The following OTOF variants were observed in gnomAD, a reference collection of about 807,000 sequenced individuals.
The protein encoded by OTOF is otoferlin, also known as fer-1-like family member 2.
Under a neutral mutation model 236.8 loss-of-function variants are expected in OTOF, and 218 were observed. The ratio of observed to expected loss-of-function variants is 0.92; its 90% CI spans 0.82 to 1.03. The LOEUF (loss-of-function observed/expected upper bound fraction) is 1.03, where lower values mean the gene tolerates loss of function less well. Ranked by LOEUF, OTOF falls within the 50% of genes least tolerant of loss-of-function variation. The pLI is 0.00. For missense variants in OTOF, 2,590 were observed against 2,694.4 expected (o/e 0.96, Z 0.86); for synonymous variants, 1,041 against 1,072.5 (o/e 0.97, Z 0.57).
chr2:26,500,408 G>A (rs1356420114), intron 8 of OTOF, among the ~76,000 whole-genome samples: 1 of 152,208 alleles, frequency 6.6e-6, no homozygotes, highest in African/African-American at 2.4e-5. Context: ...TCTTAGGCCA[G>A]TGACATGATA....
At chr2:26,543,480 C>T (rs976539464) in intron 1 of OTOF, among the ~76,000 whole-genome samples, 2 of 152,200 alleles carry the variant, frequency 1.3e-5, no homozygotes, top group African/African-American at 4.8e-5. Flanking sequence ...CACGAGGGGG[C>T]ATGGGATAGA....
intron 1 of OTOF, among the ~76,000 whole-genome samples, chr2:26,557,730 G>A (rs983883529): frequency 1.3e-5 from 2 of 151,500 alleles, no homozygotes; most frequent in South Asian, 4.2e-4. Flanking sequence ...CCTGACCACC[G>A]GTCACCAGCC....
Position 26,475,905 on chromosome 2 carries a change from G to A in OTOF, c.2991+9C>T. On this transcript the variant is annotated intron_variant, in intron 24 of 46. Transcript: ENST00000272371. ...AAGCCAGAGCCACTCCCTCCTCCCA[G>A]GCCCTCACCTCTGTGCACTGACTCT... The A allele has an allele frequency of 1.9e-6, 3 of 1,599,302 alleles. No homozygotes were observed. The highest frequency in any genetic ancestry group is 1.7e-6 in the Non-Finnish European group (2 of 1,172,990).
chr2:26,477,067 G>A lies in OTOF; in HGVS notation c.2524-24C>T. The A allele has an allele frequency of 6.6e-7, 1 of 1,522,910 alleles. No individual in the cohort carries two copies. 94.3% of individuals were successfully genotyped at this position (1,522,910 alleles called of 1,614,324 possible). On this transcript the variant is annotated intron_variant, in intron 21 of 46. Coordinates refer to ENST00000272371, the MANE Select transcript of OTOF (RefSeq NM_194248.3). The surrounding 1 kb of genome is among the most constrained non-coding windows in gnomAD (Gnocchi z 4.7). ...GGCTGGGGGTTGGGGGGTGGCCAGG[G>A]GCAGTGGGTAAGGGGGTCTAGCCTC...
At chr2:26,549,770 T>A (rs1287245544) in intron 1 of OTOF, among the ~76,000 whole-genome samples, 3 of 152,106 alleles carry the variant, frequency 2.0e-5, no homozygotes, top group Non-Finnish European at 4.4e-5. Flanking sequence ...TTCTTCCAGG[T>A]CCTCACTCAA....
chr2:26,511,791 C>A (rs1204558631), intron 5 of OTOF, among the ~76,000 whole-genome samples: 1 of 152,222 alleles, frequency 6.6e-6, no homozygotes, highest in Non-Finnish European at 1.5e-5. Flanking sequence ...ATCTGAGCAG[C>A]TTTGGGAGCT....
At chr2:26,491,570 G>A (rs1226843950) in intron 9 of OTOF, among the ~76,000 whole-genome samples, 1 of 152,220 alleles carries the variant, frequency 6.6e-6, no homozygotes, top group Non-Finnish European at 1.5e-5. Context: ...TGCAATGCCA[G>A]GTTCTTTGAG....
intron 16 of OTOF, 45 bp from the exon 17 acceptor site, chr2:26,479,698 A>G (rs1298308863): frequency 1.3e-6 from 2 of 1,586,906 alleles, no homozygotes; most frequent in South Asian, 1.1e-5. Flanking sequence ...ATTCCCCACC[A>G]GGCCCCTCCC....
chr2:26,476,937 T>C lies in OTOF; in HGVS notation c.2630A>G (p.Glu877Gly), dbSNP rs1033474954. 1.2e-6 allele frequency: 2 copies of C among 1,611,012 alleles called. No homozygotes were observed. Among genetic ancestry groups the C allele is most frequent in the Non-Finnish European group, 1.7e-6 (2 of 1,179,440 alleles). The change falls in exon 22 of 47, where the codon GAG becomes GGG. Residue 877 changes from glutamate to glycine, a missense_variant. Physicochemically the swap from Glu to Gly is moderately conservative, Grantham distance 98. Transcript: ENST00000272371. ...SKDLLFSIVE[E>G]ETGKDCAKVK... Reference sequence around the variant, plus strand: ...CTTGGCGCAGTCCTTGCCAGTCTCCTCCTCCACGATGGAGAAGAGCAGGTC... The same window carrying C: ...CTTGGCGCAGTCCTTGCCAGTCTCCCCCTCCACGATGGAGAAGAGCAGGTC...
At chr2:26,480,425 A>C (rs1665500875) in intron 15 of OTOF, 114 bp from the exon 16 acceptor site, 1 of 751,000 alleles carries the variant, frequency 1.3e-6, no homozygotes, top group South Asian at 1.4e-5. Flanking sequence ...GGGGCATCCC[A>C]CCCGGCTTTG....
rs1383135107 is a variant in OTOF, at chr2:26,460,000, T to C, written c.*17+8A>G. ...TTGGTCCAGAGGAAGAAGTAAGAAA[T>C]ATCAGACCCAGGAGGCCACTGGGCT... On this transcript the variant is annotated splice_region_variant and intron_variant, in intron 46 of 46. Transcript: ENST00000272371. 3 of 1,556,648 alleles carry C rather than the reference T, an allele frequency of 1.9e-6. No homozygotes were observed. Among genetic ancestry groups the C allele is most frequent in the Non-Finnish European group, 2.6e-6 (3 of 1,150,316 alleles).
At chr2:26,529,122 G>T (rs1399039352) in intron 2 of OTOF, among the ~76,000 whole-genome samples, 3 of 152,140 alleles carry the variant, frequency 2.0e-5, no homozygotes, top group Non-Finnish European at 2.9e-5. Context: ...TCCACATCCT[G>T]AGCCACAAGC....
At chr2:26,513,749 C>T (rs1666448918) in intron 5 of OTOF, among the ~76,000 whole-genome samples, 1 of 152,318 alleles carries the variant, frequency 6.6e-6, no homozygotes, top group Non-Finnish European at 1.5e-5. Context: ...GGAAGCCTGC[C>T]TGGGCTCCTA....
At position 26,466,795 on chromosome 2, in the gene OTOF, G is replaced by C. The variant is rs1453469487; in HGVS notation, c.4419C>G (p.Gly1473=). The C allele has an allele frequency of 1.2e-6, 2 of 1,614,254 alleles. No individual in the cohort carries two copies. The highest frequency in any genetic ancestry group is 8.5e-7 in the Non-Finnish European group (1 of 1,180,048). The change falls in exon 36 of 47, where the codon GGC becomes GGG. Residue 1473 remains glycine, a synonymous_variant. Transcript: ENST00000272371. ...GGAACATGCCGTAGGTGGAGTCGTAGCCGGCTTCCCGGGACACGTCCTCTG... is the reference window on the plus strand; with the variant it reads ...GGAACATGCCGTAGGTGGAGTCGTACCCGGCTTCCCGGGACACGTCCTCTG... The part of the protein sequence containing the change: ...PLPEDVSREA[G]YDSTYGMFQG...
intron 1 of OTOF, among the ~76,000 whole-genome samples, chr2:26,554,769 A>C (rs868172027): frequency 2.6e-5 from 4 of 151,960 alleles, no homozygotes; most frequent in Admixed American, 1.3e-4. Flanking sequence ...GCAGGGTGGG[A>C]ATCAGGGGGA....
At position 26,501,819 on chromosome 2, in the gene OTOF, G is replaced by T. The variant is rs1666121746; in HGVS notation, c.711-11C>A. On this transcript the variant is annotated splice_polypyrimidine_tract_variant and intron_variant, in intron 7 of 46. Transcript: ENST00000272371. ...ATGTCTGGCTTAGATCTGAGGAAGA[G>T]AATGTACCATCAGGCCTGGGGTATG... 1.9e-6 allele frequency: 3 copies of T among 1,610,556 alleles called. No individual in the cohort carries two copies. The highest frequency in any genetic ancestry group is 2.5e-6 in the Non-Finnish European group (3 of 1,176,846).
At position 26,473,241 on chromosome 2, in the gene OTOF, G is replaced by A. The variant is rs200703196; in HGVS notation, c.3624C>T (p.Asp1208=). ...GTGTGTAGCGACCGAAGGCCCGGCAGTCCACCACACGGATGTTCAAGGGCG... is the reference window on the plus strand; with the variant it reads ...GTGTGTAGCGACCGAAGGCCCGGCAATCCACCACACGGATGTTCAAGGGCG... ...LHPPLNIRVV[D]CRAFGRYTLV... is the part of the protein sequence containing the mutation. The change falls in exon 29 of 47, where the codon GAC becomes GAT. Residue 1208 remains aspartate, a synonymous_variant. Coordinates refer to ENST00000272371, the MANE Select transcript of OTOF (RefSeq NM_194248.3). The surrounding 1 kb of genome is among the most constrained non-coding windows in gnomAD (Gnocchi z 7.2). 2 of 1,613,470 alleles carry A rather than the reference G, an allele frequency of 1.2e-6. No homozygotes were observed. Among genetic ancestry groups the A allele is most frequent in the Non-Finnish European group, 1.7e-6 (2 of 1,179,996 alleles).
At chr2:26,553,563 A>G (rs571921277) in intron 1 of OTOF, among the ~76,000 whole-genome samples, 32 of 152,256 alleles carry the variant, frequency 2.1e-4, no homozygotes, top group Non-Finnish European at 4.3e-4. Context: ...CCTCTGTCAG[A>G]TGGTGAGATC....
At chr2:26,506,999 C>T (rs1572460343) in intron 5 of OTOF, among the ~76,000 whole-genome samples, 1 of 152,276 alleles carries the variant, frequency 6.6e-6, no homozygotes, top group East Asian at 1.9e-4. Context: ...CAAACAAACA[C>T]ACAAACAAAA....
Sources: gnomAD v4.1 joint callset for allele counts (sites outside exome capture counted in the v4.1 genomes callset) on GRCh38, gnomAD v4.1.1 for gene constraint, Gnocchi (gnomAD v3.1) non-coding constraint, MANE v1.5 for transcripts, NCBI Gene and HGNC (gene_info 2026-07-23, HGNC 2026-07-21) for gene names.